ERC2: variants seen among roughly 807,000 people sequenced by gnomAD.
ERC2 encodes ELKS/RAB6-interacting/CAST family member 2, also known as ERC protein 2.
A neutral mutation model predicts 114.8 loss-of-function variants in ERC2; 42 were observed. That is an observed-to-expected ratio of 0.37 (90% CI 0.29 to 0.47). ERC2 has a LOEUF of 0.47. Among genes scored for constraint, ERC2 ranks in the 20% least tolerant of loss-of-function variants. The pLI is 0.99. For synonymous variants in ERC2, 454 were observed against 425.5 expected, an observed-to-expected ratio of 1.07 and a Z score of -0.82; for missense variants, 939 against 1,150.7, an observed-to-expected ratio of 0.82 and a Z score of 2.66.
intron 17 of ERC2, among the ~76,000 whole-genome samples, chr3:55,617,138 G>C (rs1377611720): frequency 3.3e-5 from 5 of 152,184 alleles, no homozygotes; most frequent in African/African-American, 9.7e-5. Context: ...AGGGACCAGA[G>C]GACTTAATGG....
intron 2 of ERC2, among the ~76,000 whole-genome samples, chr3:56,398,912 C>T (rs1202182447): frequency 6.6e-6 from 1 of 152,226 alleles, no homozygotes; most frequent in Non-Finnish European, 1.5e-5. Context: ...AGCCACCATG[C>T]ATGGCTGCAT....
intron 6 of ERC2, among the ~76,000 whole-genome samples, chr3:56,083,838 A>C (rs28744477): frequency 0.18 from 27,059 of 151,926 alleles, 2,560 homozygotes; most frequent in African/African-American, 0.23. Flanking sequence ...CAGGAAGTAG[A>C]GAAGCAAGTA....
chr3:55,539,360 A>ATTTTC (rs896302947), intron 17 of ERC2, among the ~76,000 whole-genome samples: 3 of 96,562 alleles, frequency 3.1e-5, no homozygotes, highest in African/African-American at 7.8e-5. Context: ...TCTAAGACGT[A>ATTTTC]TTTTCTTTTC....
intron 14 of ERC2, among the ~76,000 whole-genome samples, chr3:55,854,705 G>T (rs1428825627): frequency 2.0e-5 from 3 of 152,222 alleles, no homozygotes; most frequent in Non-Finnish European, 4.4e-5. Flanking sequence ...GCACGGAGCA[G>T]CAGGGCCATT....
intron 6 of ERC2, among the ~76,000 whole-genome samples, chr3:56,114,426 A>T (rs1332382877): frequency 1.3e-5 from 2 of 152,150 alleles, no homozygotes; most frequent in East Asian, 3.9e-4. Context: ...TTACGAAAGA[A>T]AGTCTAAAGG....
intron 11 of ERC2, among the ~76,000 whole-genome samples, chr3:55,990,538 T>C (rs545739756): frequency 6.6e-6 from 1 of 152,156 alleles, no homozygotes; most frequent in Non-Finnish European, 1.5e-5. Flanking sequence ...GATCCTCCTG[T>C]CTCAGCCTTC....
intron 7 of ERC2, among the ~76,000 whole-genome samples, chr3:56,056,872 T>C (rs538701499): frequency 4.9e-4 from 75 of 152,306 alleles, no homozygotes; most frequent in African/African-American, 1.7e-3. Flanking sequence ...GCGCCAGTTA[T>C]TGTACTGAGC....
chr3:55,525,553 G>A (rs905278739), intron 17 of ERC2, among the ~76,000 whole-genome samples: 34 of 152,210 alleles, frequency 2.2e-4, no homozygotes, highest in Admixed American at 2.2e-3. Context: ...AGAGGGAAGA[G>A]AGGAACCATC....
intron 7 of ERC2, among the ~76,000 whole-genome samples, chr3:56,070,357 T>C (rs927972253): frequency 5.3e-5 from 8 of 152,168 alleles, no homozygotes; most frequent in African/African-American, 1.9e-4. Context: ...GATTGACAGA[T>C]GTGTCAAGAT....
chr3:55,799,378 G>A (rs961787643), intron 14 of ERC2, among the ~76,000 whole-genome samples: 1 of 141,586 alleles, frequency 7.1e-6, no homozygotes, highest in Non-Finnish European at 1.5e-5. Flanking sequence ...ATATATATAT[G>A]CCTTATATAT....
chr3:55,922,859 C>A (rs1433164721), intron 13 of ERC2, among the ~76,000 whole-genome samples: 1 of 152,040 alleles, frequency 6.6e-6, no homozygotes, highest in African/African-American at 2.4e-5. Context: ...CAAATAAAAC[C>A]ACAGTGAGAT....
At chr3:55,934,330 A>G (rs2066307335) in intron 13 of ERC2, among the ~76,000 whole-genome samples, 4 of 152,228 alleles carry the variant, frequency 2.6e-5, no homozygotes, top group Admixed American at 2.6e-4. Context: ...ATATTTGGTC[A>G]ATGCTAGGTG....
intron 15 of ERC2, among the ~76,000 whole-genome samples, chr3:55,713,383 G>A (rs986207504): frequency 6.6e-6 from 1 of 151,916 alleles, no homozygotes; most frequent in Admixed American, 6.6e-5. Flanking sequence ...GTTAATTTTT[G>A]TATTTTTAGT....
At chr3:55,545,386 C>T (rs146406139) in intron 17 of ERC2, among the ~76,000 whole-genome samples, 7 of 152,308 alleles carry the variant, frequency 4.6e-5, no homozygotes, top group South Asian at 2.1e-4. Context: ...CACCAGGACA[C>T]GCAGTGAACA....
chr3:55,719,103 C>T (rs187796350), intron 15 of ERC2, among the ~76,000 whole-genome samples: 1 of 152,266 alleles, frequency 6.6e-6, no homozygotes, highest in African/African-American at 2.4e-5. Flanking sequence ...AGAATTTATC[C>T]ATATCTAATA....
At chr3:55,840,865 C>T (rs998589268) in intron 14 of ERC2, among the ~76,000 whole-genome samples, 1 of 151,934 alleles carries the variant, frequency 6.6e-6, no homozygotes, top group African/African-American at 2.4e-5. Flanking sequence ...AGTACATTGA[C>T]GATTCCATTT....
intron 12 of ERC2, among the ~76,000 whole-genome samples, chr3:55,956,314 A>C (rs2067950921): frequency 6.6e-6 from 1 of 152,202 alleles, no homozygotes; most frequent in Non-Finnish European, 1.5e-5. Flanking sequence ...GCCATAGGTA[A>C]GTAAGCTGGG....
intron 2 of ERC2, among the ~76,000 whole-genome samples, chr3:56,320,580 A>G (rs59644274): frequency 6.6e-6 from 1 of 152,204 alleles, no homozygotes; most frequent in East Asian, 1.9e-4. Flanking sequence ...ACTAAAAAAC[A>G]GGATTTTTTT....
chr3:56,000,013 C>G (rs567598310), intron 10 of ERC2, among the ~76,000 whole-genome samples: 1 of 151,608 alleles, frequency 6.6e-6, no homozygotes, highest in African/African-American at 2.4e-5. Context: ...TTTGACCCAA[C>G]AAATTAGAGA....
Sources: gnomAD v4.1 joint callset for allele counts (sites outside exome capture counted in the v4.1 genomes callset) on GRCh38, gnomAD v4.1.1 for gene constraint, MANE v1.5 for transcripts, NCBI Gene and HGNC (gene_info 2026-07-23, HGNC 2026-07-21) for gene names.